Variants in MYO3B observed in about 807,000 individuals in gnomAD.
MYO3B encodes myosin-IIIb.
Under a neutral mutation model 174.6 loss-of-function variants are expected in MYO3B, and 156 were observed. The ratio of observed to expected loss-of-function variants is 0.89; its 90% confidence interval spans 0.78 to 1.02. The LOEUF is 1.02. Among genes scored for constraint, MYO3B ranks in the 50% least tolerant of loss-of-function variants. MYO3B has a pLI of 0.00. For missense variants in MYO3B, 1,632 were observed against 1,639.4 expected, an observed-to-expected ratio of 1.00 and a Z score of 0.08; for synonymous variants, 563 against 569.1, an observed-to-expected ratio of 0.99 and a Z score of 0.15.
intron 1 of MYO3B, among the ~76,000 whole-genome samples, chr2:170,190,197 CAG>C (rs1262614530): frequency 6.6e-6 from 1 of 152,130 alleles, no homozygotes; most frequent in Non-Finnish European, 1.5e-5. Context: ...CCCAAACAAA[CAG>C]AGTCTCTGTC....
intron 11 of MYO3B, 60 bp downstream of exon 11, chr2:170,383,249 A>G: frequency 1.0e-6 from 1 of 1,001,048 alleles, no homozygotes; most frequent in Admixed American, 2.0e-5. Flanking sequence ...CACAAGGGCA[A>G]ATGAAGAGAA....
intron 7 of MYO3B, among the ~76,000 whole-genome samples, chr2:170,295,679 T>C (rs1372545769): frequency 2.0e-5 from 3 of 152,192 alleles, no homozygotes; most frequent in African/African-American, 7.2e-5. Context: ...TTTTGTATAA[T>C]ATTGTTTCAT....
intron 32 of MYO3B, among the ~76,000 whole-genome samples, chr2:170,552,751 A>C (rs1317450139): frequency 1.3e-5 from 2 of 152,028 alleles, no homozygotes; most frequent in East Asian, 1.9e-4. Context: ...ATGGAAAAAA[A>C]CTCCTCCGGG....
intron 8 of MYO3B, among the ~76,000 whole-genome samples, chr2:170,363,026 C>G (rs977039387): frequency 1.3e-5 from 2 of 152,136 alleles, no homozygotes; most frequent in Admixed American, 1.3e-4. Context: ...TTAGAGGCCT[C>G]TTTGTCAGTC....
intron 8 of MYO3B, among the ~76,000 whole-genome samples, chr2:170,336,416 G>A (rs1019463972): frequency 6.6e-6 from 1 of 152,128 alleles, no homozygotes; most frequent in South Asian, 2.1e-4. Context: ...ATAAAGCAAA[G>A]TGGGTCTTTT....
rs1202217291 is a variant in MYO3B at position 170,199,311 on chromosome 2, G to T, written c.106G>T (p.Gly36Cys). ...TWEIIETIGKGTYGKVYKVTN... is the reference protein window; with the variant it reads ...TWEIIETIGKCTYGKVYKVTN... ...GGAAATTATAGAGACCATTGGTAAA[G>T]GCACCTATGGCAAAGTCTACAAGGT... Residue 36 changes from glycine to cysteine, a missense_variant, in exon 2 of 35, where the codon GGC (glycine) becomes TGC (cysteine). Coordinates refer to ENST00000408978, the MANE Select transcript of MYO3B (RefSeq NM_138995.5). 1.2e-6 allele frequency: 2 copies of T among 1,613,292 alleles called. No homozygotes were observed. Among genetic ancestry groups the T allele is most frequent in the Non-Finnish European group, 1.7e-6 (2 of 1,179,572 alleles).
intron 22 of MYO3B, among the ~76,000 whole-genome samples, chr2:170,435,142 A>G (rs183584837): frequency 5.9e-4 from 90 of 152,332 alleles, no homozygotes; most frequent in African/African-American, 2.1e-3. Flanking sequence ...CTGATAAGAT[A>G]AAGTGGAGGT....
At chr2:170,463,314 G>A (rs575261992) in intron 23 of MYO3B, 54 bp from the exon 24 acceptor site, 3 of 1,512,194 alleles carry the variant, frequency 2.0e-6, no homozygotes, top group African/African-American at 2.8e-5. Flanking sequence ...AAGACATGGA[G>A]CATGAGGTAA....
chr2:170,629,195 TA>T (rs1336600572), intron 32 of MYO3B, among the ~76,000 whole-genome samples: 4 of 152,238 alleles, frequency 2.6e-5, no homozygotes, highest in Non-Finnish European at 5.9e-5. Context: ...TTGGATGATT[TA>T]AAATGATCCA....
chr2:170,182,614 C>CTTTTTTTTTT (rs3066879), intron 1 of MYO3B, among the ~76,000 whole-genome samples: 1 of 135,628 alleles, frequency 7.4e-6, no homozygotes, highest in Non-Finnish European at 1.6e-5. Flanking sequence ...TTTTCTGTTT[C>CTTTTTTTTTT]TTTTTTTTTT....
At chr2:170,328,887 G>A (rs1027466184) in intron 7 of MYO3B, among the ~76,000 whole-genome samples, 1 of 152,028 alleles carries the variant, frequency 6.6e-6, no homozygotes, top group East Asian at 1.9e-4. Context: ...AATTAAGGCC[G>A]GGTGCGGTGG....
chr2:170,517,960 ATTG>A lies in MYO3B; in HGVS notation c.3473-1472_3473-1470del, dbSNP rs1453445448. 2.0e-5 allele frequency among the ~76,000 whole-genome samples: 3 copies of A among 150,856 alleles called. No homozygotes were observed. In the South Asian group the frequency reaches 6.3e-4, roughly 32 times the overall value. On this transcript the variant is annotated intron_variant, in intron 29 of 34. Transcript: ENST00000408978. ...ATTTCTATTTTTTCCTTCTTTCAAT[ATTG>A]TTGTTTCACTGTTTGGCCATAATGT... is the stretch of plus-strand genomic sequence containing the variant.
At chr2:170,627,990 G>A (rs1426211851) in intron 32 of MYO3B, among the ~76,000 whole-genome samples, 5 of 152,212 alleles carry the variant, frequency 3.3e-5, no homozygotes, top group Non-Finnish European at 5.9e-5. Flanking sequence ...TAGGCTACTC[G>A]GGGGTCAGGG....
At chr2:170,602,180 C>A in intron 32 of MYO3B, 2 of 1,238,692 alleles carry the variant, frequency 1.6e-6, no homozygotes, top group Non-Finnish European at 2.4e-6. Flanking sequence ...ACAAAAAATG[C>A]ATATGATGAC....
chr2:170,256,877 G>T (rs1478021052), intron 7 of MYO3B, among the ~76,000 whole-genome samples: 1 of 151,896 alleles, frequency 6.6e-6, no homozygotes, highest in East Asian at 1.9e-4. Flanking sequence ...CCCTGTAATG[G>T]CACCCATAGA....
intron 8 of MYO3B, among the ~76,000 whole-genome samples, chr2:170,360,490 A>G (rs189745036): frequency 3.9e-5 from 6 of 152,314 alleles, no homozygotes; most frequent in Admixed American, 2.6e-4. Flanking sequence ...CAGGGCATCT[A>G]CTATCAAACA....
At chr2:170,581,414 C>T (rs1044997410) in intron 32 of MYO3B, among the ~76,000 whole-genome samples, 1 of 152,082 alleles carries the variant, frequency 6.6e-6, no homozygotes, top group Non-Finnish European at 1.5e-5. Context: ...ATTCTCCTAG[C>T]CTGTGCCTTG....
At chr2:170,203,501 G>T (rs867961127) in intron 3 of MYO3B, among the ~76,000 whole-genome samples, 26 of 142,188 alleles carry the variant, frequency 1.8e-4, no homozygotes, top group South Asian at 4.7e-4. Context: ...GGGGCGGCGG[G>T]GGGGGGAGGG....
chr2:170,485,954 G>A (rs1686021491), intron 25 of MYO3B, among the ~76,000 whole-genome samples: 1 of 152,136 alleles, frequency 6.6e-6, no homozygotes, highest in Non-Finnish European at 1.5e-5. Context: ...TAGCTAAAAT[G>A]CAGATTGGTG....
Sources: allele counts gnomAD v4.1 joint callset (sites outside exome capture counted in the v4.1 genomes callset), GRCh38; gene constraint gnomAD v4.1.1; transcripts MANE v1.5; gene names NCBI Gene and HGNC (gene_info 2026-07-23, HGNC 2026-07-21).